The following PEAK1 variants were observed in gnomAD, a reference collection of about 807,000 sequenced individuals.
PEAK1 encodes inactive tyrosine-protein kinase PEAK1.
In PEAK1, 54 loss-of-function variants were observed where a neutral mutation model predicts 124.7. The ratio of observed to expected loss-of-function variants is 0.43; its 90% CI spans 0.35 to 0.54. PEAK1 has a LOEUF of 0.54. PEAK1 is among the 20% of genes least tolerant of loss of function. PEAK1 has a pLI of 0.01. For synonymous variants in PEAK1, 719 were observed against 760.0 expected (o/e 0.95, Z 0.89); for missense variants, 2,046 against 2,134.5 (o/e 0.96, Z 0.82).
At chr15:77,182,604 T>G (rs2152822610) in intron 6 of PEAK1, among the ~76,000 whole-genome samples, 1 of 151,626 alleles carries the variant, frequency 6.6e-6, no homozygotes, top group African/African-American at 2.4e-5. Flanking sequence ...ATATAAAAAT[T>G]AGCTGGGTGT....
chr15:77,354,736 A>G (rs1243246660), intron 2 of PEAK1, among the ~76,000 whole-genome samples: 2 of 152,088 alleles, frequency 1.3e-5, no homozygotes, highest in Non-Finnish European at 2.9e-5. Context: ...CATTAATTTA[A>G]CAGTTTTAGA....
At chr15:77,191,308 CT>C (rs780624799) in intron 6 of PEAK1, among the ~76,000 whole-genome samples, 5 of 152,080 alleles carry the variant, frequency 3.3e-5, no homozygotes, top group Non-Finnish European at 7.4e-5. Context: ...ATAGTAAGCA[CT>C]TAATAAATAT....
At chr15:77,371,343 A>G in intron 1 of PEAK1, 1 of 913,240 alleles carries the variant, frequency 1.1e-6, no homozygotes, top group Non-Finnish European at 1.3e-6. Context: ...ATTATGCAGT[A>G]TAATAGAAAG....
intron 5 of PEAK1, among the ~76,000 whole-genome samples, chr15:77,258,000 CTTGT>C (rs1335130172): frequency 6.6e-6 from 1 of 152,156 alleles, no homozygotes; most frequent in Admixed American, 6.6e-5. Context: ...TTCCCCATTG[CTTGT>C]TTTTCTCAGG....
intron 8 of PEAK1, among the ~76,000 whole-genome samples, chr15:77,154,069 A>G (rs1006382999): frequency 1.3e-5 from 2 of 152,058 alleles, no homozygotes; most frequent in Admixed American, 6.5e-5. Flanking sequence ...TGATCTGTCT[A>G]ATGTTGACAG....
At chr15:77,401,607 C>T in intron 1 of PEAK1, 1 of 984,190 alleles carries the variant, frequency 1.0e-6, no homozygotes, top group Non-Finnish European at 1.2e-6. Flanking sequence ...AAATCAGCTA[C>T]AAACATATCT....
chr15:77,290,683 G>A (rs2063168358), intron 2 of PEAK1, among the ~76,000 whole-genome samples: 1 of 152,050 alleles, frequency 6.6e-6, no homozygotes, highest in Admixed American at 6.5e-5. Flanking sequence ...TCTGGTAGCT[G>A]GGACTACGGG....
chr15:77,364,536 G>A (rs1234668701), intron 2 of PEAK1, among the ~76,000 whole-genome samples: 1 of 152,210 alleles, frequency 6.6e-6, no homozygotes, highest in East Asian at 1.9e-4. Context: ...CAGACTCAAG[G>A]TGGAGAGACT....
chr15:77,199,554 C>T (rs1184316360), intron 6 of PEAK1, among the ~76,000 whole-genome samples: 4 of 152,182 alleles, frequency 2.6e-5, no homozygotes, highest in Admixed American at 6.5e-5. Flanking sequence ...AAGCCCCAAA[C>T]AATAAATTCC....
chr15:77,201,171 T>C (rs1200055880), intron 6 of PEAK1, among the ~76,000 whole-genome samples: 5 of 151,744 alleles, frequency 3.3e-5, no homozygotes, highest in Non-Finnish European at 5.9e-5. Flanking sequence ...TCCATGTCTT[T>C]CCAACTTTAA....
chr15:77,365,109 T>C, intron 2 of PEAK1, 54 bp downstream of exon 2: 4 of 689,862 alleles, frequency 5.8e-6, no homozygotes, highest in Non-Finnish European at 7.1e-6. Context: ...AAAACAATTC[T>C]TTCTCATTAT....
In PEAK1 at chr15:77,366,339, G is replaced by A. The variant is rs528612533; in HGVS notation, c.-665-1114C>T. The stretch of plus-strand genomic sequence containing the variant: ...TCTCTGAAGAGAAAAAAACAACCCT[G>A]CTGACATGTATTAGACATGTAACAT... On this transcript the variant is annotated intron_variant, in intron 1 of 9. Transcript: ENST00000682557. 4.6e-5 allele frequency among the ~76,000 whole-genome samples: 7 copies of A among 152,178 alleles called. No homozygotes were observed. In the South Asian group the frequency reaches 1.5e-3, roughly 32 times the overall value.
At chr15:77,316,168 C>T (rs2064858542) in intron 2 of PEAK1, among the ~76,000 whole-genome samples, 1 of 152,158 alleles carries the variant, frequency 6.6e-6, no homozygotes, top group South Asian at 2.1e-4. Context: ...TATATTTTAT[C>T]AGTTTTGTTT....
At chr15:77,419,210 G>C in intron 1 of PEAK1, 1 of 985,332 alleles carries the variant, frequency 1.0e-6, no homozygotes, top group Non-Finnish European at 1.2e-6. Flanking sequence ...AGGCGGGGGA[G>C]GAGGGTCTCT....
intron 3 of PEAK1, 109 bp downstream of exon 3, chr15:77,286,314 T>A: frequency 1.9e-6 from 1 of 528,560 alleles, no homozygotes; most frequent in Non-Finnish European, 2.9e-6. Context: ...CATACTACTA[T>A]GGCAAGGTTT....
intron 2 of PEAK1, chr15:77,346,677 A>T (rs1026498389): frequency 2.0e-6 from 2 of 983,936 alleles, no homozygotes; most frequent in Admixed American, 1.2e-4. Flanking sequence ...TTGCAAAAAC[A>T]TTAATTGTAT....
chr15:77,335,119 G>A (rs2066117299), intron 2 of PEAK1: 2 of 985,294 alleles, frequency 2.0e-6, no homozygotes. Flanking sequence ...AAATGCTTCT[G>A]GTCAAAGAGC....
intron 2 of PEAK1, chr15:77,332,938 T>C (rs916161910): frequency 4.7e-6 from 2 of 423,498 alleles, no homozygotes; most frequent in Non-Finnish European, 6.3e-6. Flanking sequence ...TATTGGTTGA[T>C]TTTGTTTTCC....
chr15:77,330,748 C>T (rs2065843835), intron 2 of PEAK1, among the ~76,000 whole-genome samples: 1 of 152,220 alleles, frequency 6.6e-6, no homozygotes, highest in Admixed American at 6.5e-5. Flanking sequence ...ACGGCATTCT[C>T]TCCCTTTCCC....
Sources: allele counts gnomAD v4.1 joint callset (sites outside exome capture counted in the v4.1 genomes callset), GRCh38; gene constraint gnomAD v4.1.1; transcripts MANE v1.5; gene names NCBI Gene and HGNC (gene_info 2026-07-23, HGNC 2026-07-21).